ZNF215: variants seen among roughly 807,000 people sequenced by gnomAD.
The protein encoded by ZNF215 is BWSCR2-associated zinc finger protein 2.
In ZNF215, 24 loss-of-function variants were observed where a neutral mutation model predicts 27.2. The observed-to-expected ratio is 0.88, with a 90% CI of 0.64 to 1.24. ZNF215 has a LOEUF of 1.24. Among genes scored for constraint, ZNF215 ranks in the 50% most tolerant of loss-of-function variants. The pLI is 0.00. For synonymous variants in ZNF215, 210 were observed against 204.0 expected, an observed-to-expected ratio of 1.03 and a Z score of -0.25; for missense variants, 675 against 605.7, an observed-to-expected ratio of 1.11 and a Z score of -1.20.
intron 5 of ZNF215, among the ~76,000 whole-genome samples, chr11:6,983,355 C>T (rs1851000335): frequency 6.6e-6 from 1 of 152,078 alleles, no homozygotes; most frequent in African/African-American, 2.4e-5. Context: ...ACCATTCCTT[C>T]TGAAACTATT....
At chr11:6,991,559 C>T (rs1851118306), downstream of ZNF215, among the ~76,000 whole-genome samples, 1 of 152,240 alleles carries the variant, frequency 6.6e-6, no homozygotes. Context: ...TTTTTTACTT[C>T]CTCCTTAAGA....
intron 5 of ZNF215, among the ~76,000 whole-genome samples, chr11:6,964,399 C>T (rs1393914854): frequency 6.6e-6 from 1 of 151,986 alleles, no homozygotes; most frequent in African/African-American, 2.4e-5. Context: ...TTAAGTTTTA[C>T]ATTGAGGTTT....
downstream of ZNF215, among the ~76,000 whole-genome samples, chr11:6,990,444 C>T (rs1261209460): frequency 6.6e-6 from 1 of 152,120 alleles, no homozygotes; most frequent in African/African-American, 2.4e-5. Flanking sequence ...TATCTATTTG[C>T]TTGTGCATGT....
chr11:6,953,841 C>T (rs1175179272), intron 6 of ZNF215, among the ~76,000 whole-genome samples: 1 of 151,726 alleles, frequency 6.6e-6, no homozygotes, highest in Non-Finnish European at 1.5e-5. Context: ...TTTTTCTGCT[C>T]TGTTTTTTCC....
chr11:6,940,528 T>A (rs1460288132), intron 3 of ZNF215, among the ~76,000 whole-genome samples: 1 of 152,194 alleles, frequency 6.6e-6, no homozygotes, highest in African/African-American at 2.4e-5. Flanking sequence ...TAGGCTGGTC[T>A]TGGATGCTAG....
intron 2 of ZNF215, among the ~76,000 whole-genome samples, chr11:6,930,833 G>C (rs1034683494): frequency 1.3e-5 from 2 of 152,224 alleles, no homozygotes; most frequent in Non-Finnish European, 2.9e-5. Flanking sequence ...TATACATATA[G>C]TAACTAGTAC....
chr11:6,952,480 A>T (rs1167111372), intron 6 of ZNF215, among the ~76,000 whole-genome samples: 1 of 152,046 alleles, frequency 6.6e-6, no homozygotes, highest in African/African-American at 2.4e-5. Flanking sequence ...TCCTTTTACC[A>T]TTATGTAATG....
At chr11:6,963,582 A>C (rs1850560025) in intron 5 of ZNF215, among the ~76,000 whole-genome samples, 1 of 152,094 alleles carries the variant, frequency 6.6e-6, no homozygotes, top group African/African-American at 2.4e-5. Context: ...TTAAATATAA[A>C]AAAAGTTACA....
intron 5 of ZNF215, among the ~76,000 whole-genome samples, chr11:6,964,391 A>T (rs1349224092): frequency 1.3e-5 from 2 of 152,022 alleles, no homozygotes; most frequent in Admixed American, 1.3e-4. Context: ...TTAGAGTTTT[A>T]AGTTTTACAT....
intron 5 of ZNF215, among the ~76,000 whole-genome samples, chr11:6,981,726 G>C (rs1315729564): frequency 6.6e-6 from 1 of 152,096 alleles, no homozygotes; most frequent in Non-Finnish European, 1.5e-5. Context: ...TTTCTTCAGG[G>C]TTTTTATGGT....
chr11:6,982,361 T>C (rs1014896499), intron 5 of ZNF215, among the ~76,000 whole-genome samples: 1 of 151,938 alleles, frequency 6.6e-6, no homozygotes, highest in Admixed American at 6.6e-5. Context: ...GACAGAAAGT[T>C]AACAAGGATA....
chr11:6,952,961 C>T (rs1167452906), intron 6 of ZNF215, among the ~76,000 whole-genome samples: 7 of 151,994 alleles, frequency 4.6e-5, no homozygotes, highest in African/African-American at 7.3e-5. Flanking sequence ...ATTTGCTTGT[C>T]TGTGAAGTAT....
chr11:6,931,048 A>G (rs1035677868), intron 2 of ZNF215, among the ~76,000 whole-genome samples: 2 of 152,244 alleles, frequency 1.3e-5, no homozygotes, highest in African/African-American at 4.8e-5. Context: ...TAGCTGTAAC[A>G]GTCAAAACTG....
At chr11:6,994,396 A>G (rs568132853) in intron 6 of ZNF215, among the ~76,000 whole-genome samples, 2 of 152,210 alleles carry the variant, frequency 1.3e-5, no homozygotes, top group East Asian at 1.9e-4. Flanking sequence ...GTGAAATTTT[A>G]ATGACATTAA....
chr11:6,973,286 C>T (rs1014027646), intron 5 of ZNF215, among the ~76,000 whole-genome samples: 32 of 152,262 alleles, frequency 2.1e-4, no homozygotes, highest in African/African-American at 7.7e-4. Context: ...TTTCTTAATC[C>T]AGTCTATCAT....
chr11:6,988,038 T>C (rs890508587), downstream of ZNF215, among the ~76,000 whole-genome samples: 2 of 152,218 alleles, frequency 1.3e-5, no homozygotes, highest in African/African-American at 4.8e-5. Flanking sequence ...TGTAGGAGAC[T>C]GAATCCCTGT....
At chr11:6,930,505 G>A (rs147213863) in intron 2 of ZNF215, among the ~76,000 whole-genome samples, 1 of 152,052 alleles carries the variant, frequency 6.6e-6, no homozygotes, top group Non-Finnish European at 1.5e-5. Flanking sequence ...GAGAAACCTG[G>A]CTCTTACCAC....
intron 5 of ZNF215, among the ~76,000 whole-genome samples, chr11:6,965,392 A>G (rs1171872121): frequency 1.3e-5 from 2 of 152,164 alleles, no homozygotes; most frequent in Admixed American, 6.6e-5. Context: ...ATGGACATCA[A>G]TTTGAGAAAC....
At chr11:6,952,968 G>A (rs936776011) in intron 6 of ZNF215, among the ~76,000 whole-genome samples, 2 of 152,118 alleles carry the variant, frequency 1.3e-5, no homozygotes, top group African/African-American at 2.4e-5. Flanking sequence ...TGTCTGTGAA[G>A]TATTTTATTT....
Sources: gnomAD v4.1 joint callset for allele counts (sites outside exome capture counted in the v4.1 genomes callset) on GRCh38, gnomAD v4.1.1 for gene constraint, MANE v1.5 for transcripts, NCBI Gene and HGNC (gene_info 2026-07-23, HGNC 2026-07-21) for gene names.